The following PRDM5 variants were observed in gnomAD, a reference collection of about 807,000 sequenced individuals.
The protein encoded by PRDM5 is PR/SET domain 5, also known as PR domain zinc finger protein 5.
Under a neutral mutation model 81.2 loss-of-function variants are expected in PRDM5, and 56 were observed. The observed-to-expected ratio is 0.69, with a 90% CI of 0.56 to 0.86. The LOEUF (loss-of-function observed/expected upper bound fraction) is 0.86. Among genes scored for constraint, PRDM5 ranks in the 40% least tolerant of loss-of-function variants. PRDM5 has a pLI of 0.00. For synonymous variants in PRDM5, 267 were observed against 256.4 expected (o/e 1.04, Z -0.39); for missense variants, 697 against 770.1 (o/e 0.91, Z 1.12).
In PRDM5 at chr4:120,816,814, A is replaced by G; in HGVS notation, c.743+18T>C. 2 of 1,605,376 alleles carry G rather than the reference A, an allele frequency of 1.2e-6. No individual in the cohort carries two copies. Among genetic ancestry groups the G allele is most frequent in the Non-Finnish European group, 1.7e-6 (2 of 1,171,948 alleles). ...CCCACAATTATATAACAGCCATTTC[A>G]TAACTCAGACACAAAACCTCGATGC... On this transcript the variant is annotated intron_variant, in intron 6 of 15. Transcript: ENST00000264808.
intron 3 of PRDM5, among the ~76,000 whole-genome samples, chr4:120,825,053 T>C (rs1213570157): frequency 6.6e-6 from 1 of 152,126 alleles, no homozygotes; most frequent in Admixed American, 6.6e-5. Flanking sequence ...CAGTACTATA[T>C]GGCAACCAAA....
chr4:120,748,049 A>G (rs1743404324), intron 14 of PRDM5, among the ~76,000 whole-genome samples: 1 of 152,250 alleles, frequency 6.6e-6, no homozygotes. Flanking sequence ...TCCTAACTCA[A>G]TGAGTGACTG....
At chr4:120,701,303 C>A (rs372312063) in intron 15 of PRDM5, among the ~76,000 whole-genome samples, 1 of 151,974 alleles carries the variant, frequency 6.6e-6, no homozygotes, top group African/African-American at 2.4e-5. Flanking sequence ...AACTACCATT[C>A]GATCTAGTAA....
chr4:120,861,249 T>A (rs1446530783), intron 2 of PRDM5, among the ~76,000 whole-genome samples: 1 of 152,116 alleles, frequency 6.6e-6, no homozygotes, highest in Non-Finnish European at 1.5e-5. Flanking sequence ...CTCAAGTGAT[T>A]TGCCGGCCTC....
chr4:120,710,565 A>T, intron 14 of PRDM5, 152 bp from the exon 15 acceptor site: 2 of 715,016 alleles, frequency 2.8e-6, no homozygotes, highest in East Asian at 5.4e-5. Flanking sequence ...CCCAAATTTC[A>T]TCTTGAATTG....
chr4:120,724,125 T>A (rs1739059492), intron 14 of PRDM5, among the ~76,000 whole-genome samples: 1 of 152,072 alleles, frequency 6.6e-6, no homozygotes, highest in Non-Finnish European at 1.5e-5. Context: ...CCAATTAATT[T>A]AAGTGTTCCA....
At chr4:120,847,769 T>C (rs1438957207) in intron 3 of PRDM5, among the ~76,000 whole-genome samples, 1 of 152,162 alleles carries the variant, frequency 6.6e-6, no homozygotes, top group African/African-American at 2.4e-5. Context: ...AAAGTCATAC[T>C]CTAATAAACG....
At chr4:120,861,507 G>A (rs1191348541) in intron 2 of PRDM5, among the ~76,000 whole-genome samples, 12 of 152,070 alleles carry the variant, frequency 7.9e-5, no homozygotes, top group Non-Finnish European at 1.5e-4. Context: ...TTTAGAAAAA[G>A]ATGCTTTGGG....
chr4:120,779,695 A>G (rs1304245797), intron 12 of PRDM5, among the ~76,000 whole-genome samples: 1 of 152,158 alleles, frequency 6.6e-6, no homozygotes, highest in East Asian at 1.9e-4. Flanking sequence ...TGAGGTCAAG[A>G]GTTCAAGGCC....
intron 1 of PRDM5, among the ~76,000 whole-genome samples, chr4:120,920,279 T>G (rs1247835484): frequency 6.6e-6 from 1 of 152,252 alleles, no homozygotes; most frequent in Non-Finnish European, 1.5e-5. Context: ...TACAAGCATA[T>G]GTGTTATAAA....
intron 3 of PRDM5, among the ~76,000 whole-genome samples, chr4:120,848,909 T>G (rs1358379981): frequency 2.0e-5 from 3 of 152,158 alleles, no homozygotes; most frequent in Non-Finnish European, 2.9e-5. Flanking sequence ...ATCTGTAAGT[T>G]ATTTAACTGT....
intron 2 of PRDM5, among the ~76,000 whole-genome samples, chr4:120,885,216 T>C (rs564434943): frequency 6.8e-6 from 1 of 147,476 alleles, no homozygotes; most frequent in Non-Finnish European, 1.5e-5. Flanking sequence ...TTAGAGGAGA[T>C]CTACTAGGAG....
chr4:120,708,966 T>C (rs549584763), intron 15 of PRDM5, among the ~76,000 whole-genome samples: 1 of 152,144 alleles, frequency 6.6e-6, no homozygotes, highest in Non-Finnish European at 1.5e-5. Context: ...CAGATTAGTA[T>C]GGGCTGCAAA....
intron 14 of PRDM5, 46 bp downstream of exon 14, chr4:120,754,507 G>A (rs1188432742): frequency 1.5e-6 from 2 of 1,316,632 alleles, no homozygotes; most frequent in South Asian, 1.2e-5. Context: ...TTTAAAATAA[G>A]TATGGTTTTC....
At chr4:120,696,790 T>A (rs1370437506) in intron 15 of PRDM5, among the ~76,000 whole-genome samples, 1 of 152,032 alleles carries the variant, frequency 6.6e-6, no homozygotes, top group African/African-American at 2.4e-5. Flanking sequence ...ACAAGTGGAA[T>A]AGAAAGAAAA....
In PRDM5 at chr4:120,881,408, C is replaced by T. The variant is rs116506248; in HGVS notation, c.177+26066G>A. The stretch of plus-strand genomic sequence containing the variant: ...ATAAGTAAAATCGCTGGCAAATAAA[C>T]GAATGAATTTAACAATTAAATCCAT... On this transcript the variant is annotated intron_variant, in intron 2 of 15. Coordinates refer to ENST00000264808, the MANE Select transcript of PRDM5 (RefSeq NM_018699.4). Among the ~76,000 whole-genome samples the T allele has an allele frequency of 2.9e-3, 445 of 152,200 alleles. 2 individuals carry two copies. Among genetic ancestry groups the T allele is most frequent in the African/African-American group, 0.01 (420 of 41,524 alleles).
At chr4:120,735,937 G>A (rs1741046470) in intron 14 of PRDM5, among the ~76,000 whole-genome samples, 1 of 152,062 alleles carries the variant, frequency 6.6e-6, no homozygotes, top group African/African-American at 2.4e-5. Flanking sequence ...CTTTTAGGTT[G>A]TCCATCCCCC....
At chr4:120,766,317 C>G (rs1746382938) in intron 13 of PRDM5, among the ~76,000 whole-genome samples, 1 of 152,096 alleles carries the variant, frequency 6.6e-6, no homozygotes. Flanking sequence ...GGAAATTAGC[C>G]AACTCATTAA....
intron 2 of PRDM5, among the ~76,000 whole-genome samples, chr4:120,869,138 A>G (rs539608734): frequency 4.3e-4 from 66 of 152,336 alleles, no homozygotes; most frequent in African/African-American, 1.5e-3. Flanking sequence ...AAAATGTAAC[A>G]AATATACACA....
Sources: gnomAD v4.1 joint callset for allele counts (sites outside exome capture counted in the v4.1 genomes callset) on GRCh38, gnomAD v4.1.1 for gene constraint, MANE v1.5 for transcripts, NCBI Gene and HGNC (gene_info 2026-07-23, HGNC 2026-07-21) for gene names.